The following TFDP2 variants were observed in gnomAD, a reference collection of about 807,000 sequenced individuals.
TFDP2 encodes the protein transcription factor Dp-2, also known as transcription factor Dp-2 (E2F dimerization partner 2).
A neutral mutation model predicts 59.3 loss-of-function variants in TFDP2; 17 were observed. That is an observed-to-expected ratio of 0.29 (90% confidence interval 0.20 to 0.43). TFDP2 has a LOEUF of 0.43. Ranked by LOEUF, TFDP2 falls within the 20% of genes least tolerant of loss-of-function variation. TFDP2 has a pLI of 1.00. For synonymous variants in TFDP2, 180 were observed against 194.7 expected (o/e 0.92, Z 0.63); for missense variants, 391 against 528.8 (o/e 0.74, Z 2.56).
intron 3 of TFDP2, among the ~76,000 whole-genome samples, chr3:142,029,673 A>T (rs1946328938): frequency 6.6e-6 from 1 of 152,228 alleles, no homozygotes; most frequent in Non-Finnish European, 1.5e-5. Context: ...GGTAACATTA[A>T]AAACAAAGCA....
intron 3 of TFDP2, among the ~76,000 whole-genome samples, chr3:142,011,863 T>C (rs1184851372): frequency 2.0e-5 from 3 of 152,076 alleles, no homozygotes; most frequent in Non-Finnish European, 4.4e-5. Context: ...CTAACATACT[T>C]TGTTAGTGAA....
chr3:142,130,390 T>C (rs534530231), intron 1 of TFDP2, among the ~76,000 whole-genome samples: 26 of 152,240 alleles, frequency 1.7e-4, no homozygotes, highest in African/African-American at 6.3e-4. Flanking sequence ...CAGAGTAATC[T>C]AATTCACAGA....
intron 1 of TFDP2, among the ~76,000 whole-genome samples, chr3:142,110,253 C>G (rs2061605918): frequency 6.6e-6 from 1 of 152,058 alleles, no homozygotes; most frequent in Non-Finnish European, 1.5e-5. Context: ...TCTGTAATCC[C>G]AGCACTTTGG....
intron 3 of TFDP2, among the ~76,000 whole-genome samples, chr3:142,021,264 C>G (rs1387314717): frequency 6.6e-6 from 1 of 152,190 alleles, no homozygotes; most frequent in Non-Finnish European, 1.5e-5. Context: ...CTTCCTCTTT[C>G]TATTTGGTTC....
chr3:142,105,768 C>CT (rs1308471359), intron 1 of TFDP2, among the ~76,000 whole-genome samples: 5 of 152,178 alleles, frequency 3.3e-5, no homozygotes, highest in Non-Finnish European at 7.3e-5. Context: ...ACTGGAATCT[C>CT]TAAGTATTAC....
rs2063299580 is a variant in TFDP2 at position 142,149,236 on chromosome 3, G to A, written c.-146C>T. 5 of 397,486 alleles carry A rather than the reference G, an allele frequency of 1.3e-5. No homozygotes were observed. The highest frequency in any genetic ancestry group is 2.2e-5 in the Non-Finnish European group (5 of 225,340). The allele number at this position is 397,486 out of a possible 1,614,324, so 24.6% of individuals were successfully genotyped here. The stretch of plus-strand genomic sequence containing the variant: ...CAAGCGAGGCTGTCGGGCCGAGCCA[G>A]GAGCGCGTCTTCGGGCGCCGCCGCT... On this transcript the variant is annotated 5_prime_UTR_variant, in exon 1 of 13. Transcript: ENST00000489671.
At chr3:142,143,121 A>G (rs1013155815) in intron 1 of TFDP2, among the ~76,000 whole-genome samples, 18 of 152,182 alleles carry the variant, frequency 1.2e-4, no homozygotes, top group Non-Finnish European at 2.5e-4. Flanking sequence ...CTGTAGTCCC[A>G]GCTACTTGGG....
intron 1 of TFDP2, among the ~76,000 whole-genome samples, chr3:142,128,651 TAGAAAGAA>T (rs1019388117): frequency 8.9e-6 from 1 of 112,986 alleles, no homozygotes; most frequent in Non-Finnish European, 1.9e-5. Flanking sequence ...ACAGACAAAA[TAGAAAGAA>T]AGAAAGAAAA....
intron 4 of TFDP2, among the ~76,000 whole-genome samples, chr3:142,001,238 T>C (rs1428703546): frequency 6.6e-6 from 1 of 152,152 alleles, no homozygotes; most frequent in Admixed American, 6.5e-5. Flanking sequence ...GGAGATGGCA[T>C]CACTCAGACA....
intron 1 of TFDP2, among the ~76,000 whole-genome samples, chr3:142,133,408 T>C (rs1388236220): frequency 1.3e-5 from 2 of 149,324 alleles, no homozygotes; most frequent in Admixed American, 6.6e-5. Flanking sequence ...TTAGTAGATA[T>C]GGGGTTTCAC....
At chr3:142,063,048 G>A (rs347689) in intron 3 of TFDP2, among the ~76,000 whole-genome samples, 2 of 152,192 alleles carry the variant, frequency 1.3e-5, no homozygotes, top group East Asian at 1.9e-4. Context: ...CTTATAAAAC[G>A]TCACTGAGCT....
At chr3:142,092,700 A>G (rs146715363) in intron 3 of TFDP2, among the ~76,000 whole-genome samples, 67 of 152,326 alleles carry the variant, frequency 4.4e-4, no homozygotes, top group South Asian at 1.4e-3. Flanking sequence ...CACGTATATA[A>G]AATATACAAA....
intron 2 of TFDP2, among the ~76,000 whole-genome samples, chr3:142,099,367 A>G (rs1210776355): frequency 6.6e-6 from 1 of 152,130 alleles, no homozygotes; most frequent in Non-Finnish European, 1.5e-5. Context: ...CACTCACTAT[A>G]TGATCACATG....
In TFDP2 at chr3:141,949,252, T is replaced by C. The variant is rs1172495281; in HGVS notation, c.*3261A>G. 1 of 152,082 alleles carries C rather than the reference T, an allele frequency of 6.6e-6. No individual in the cohort carries two copies. Among genetic ancestry groups the C allele is most frequent in the Admixed American group, 6.6e-5 (1 of 15,260 alleles). The allele number at this position is 152,082 out of a possible 1,614,324, so 9.4% of individuals were successfully genotyped here. On this transcript the variant is annotated 3_prime_UTR_variant, in exon 13 of 13. Transcript: ENST00000489671. Reference sequence around the variant, plus strand: ...TCCTGCTAAAATGGTAGAAACCACATAGCTTTTTCTTCCCAGCACTTCTTT... The same window carrying C: ...TCCTGCTAAAATGGTAGAAACCACACAGCTTTTTCTTCCCAGCACTTCTTT...
Position 142,071,276 on chromosome 3 carries a change from C to T in TFDP2, c.82+21785G>A, listed in dbSNP as rs2060239652. Reference sequence around the variant, plus strand: ...GGTTCAAGCGATTCTCCTGCCTCAGCCCCCCTAGTAGCTGGGATTACAGGC... The same window carrying T: ...GGTTCAAGCGATTCTCCTGCCTCAGTCCCCCTAGTAGCTGGGATTACAGGC... On this transcript the variant is annotated intron_variant, in intron 3 of 12. Transcript: ENST00000489671. 2.0e-5 allele frequency among the ~76,000 whole-genome samples: 3 copies of T among 152,020 alleles called. No individual in the cohort carries two copies. The South Asian group carries it at 6.2e-4, about 32-fold the overall frequency.
intron 1 of TFDP2, among the ~76,000 whole-genome samples, chr3:142,107,298 C>A (rs1370502072): frequency 6.6e-6 from 1 of 150,554 alleles, no homozygotes; most frequent in African/African-American, 2.4e-5. Context: ...GTTGCTCAAT[C>A]TCAGCTCACT....
chr3:142,092,601 G>A (rs532038631), intron 3 of TFDP2, among the ~76,000 whole-genome samples: 2 of 152,242 alleles, frequency 1.3e-5, no homozygotes, highest in East Asian at 1.9e-4. Context: ...TTACAGGTGT[G>A]AGCCACTGCA....
At chr3:142,032,204 G>A (rs1034800478) in intron 3 of TFDP2, among the ~76,000 whole-genome samples, 6 of 151,904 alleles carry the variant, frequency 3.9e-5, no homozygotes, top group Admixed American at 3.9e-4. Context: ...CTGGGCTCAG[G>A]TGATCCCTCC....
At chr3:142,127,195 T>C (rs116686422) in intron 1 of TFDP2, among the ~76,000 whole-genome samples, 12,347 of 148,122 alleles carry the variant, frequency 0.083, 644 homozygotes, top group Middle Eastern at 0.15. Flanking sequence ...ATAAGATATA[T>C]ATTAATATTA....
Sources: gnomAD v4.1 joint callset for allele counts (sites outside exome capture counted in the v4.1 genomes callset) on GRCh38, gnomAD v4.1.1 for gene constraint, MANE v1.5 for transcripts, NCBI Gene and HGNC (gene_info 2026-07-23, HGNC 2026-07-21) for gene names.